The following SPRED1 variants were observed in gnomAD, a reference collection of about 807,000 sequenced individuals.
The protein encoded by SPRED1 is sprouty-related, EVH1 domain-containing protein 1.
SPRED1 carries 18 observed loss-of-function variants against 52.3 expected under a neutral mutation model. The ratio of observed to expected loss-of-function variants is 0.34; its 90% confidence interval spans 0.24 to 0.51. The LOEUF is 0.51. Ranked by LOEUF, SPRED1 falls within the 20% of genes least tolerant of loss-of-function variation. The pLI, the probability that SPRED1 is intolerant of heterozygous loss-of-function variation, is 0.97. For synonymous variants in SPRED1, 155 were observed against 179.7 expected (o/e 0.86, Z 1.10); for missense variants, 485 against 551.0 (o/e 0.88, Z 1.20).
chr15:38,283,714 C>CG (rs1894744645), intron 1 of SPRED1, among the ~76,000 whole-genome samples: 1 of 152,164 alleles, frequency 6.6e-6, no homozygotes, highest in Non-Finnish European at 1.5e-5. Flanking sequence ...TAAATCCTTA[C>CG]TCAGTGATGT....
rs369153950 is a variant in SPRED1 at position 38,342,028 on chromosome 15, G to GT, written c.582+2148dup. 8.5e-4 allele frequency among the ~76,000 whole-genome samples: 92 copies of GT among 107,626 alleles called. No homozygotes were observed. The South Asian group carries it at 9.4e-3, about 11-fold the overall frequency. 70.6% of individuals were successfully genotyped at this position (107,626 alleles called of 152,430 possible). A position where few individuals can be genotyped will look rare whatever the true frequency, so the allele number is the denominator to read the frequency against. ...TTAAACCATATATAGTTGGGTTTGG[G>GT]TTTTTTTTTTTTTTTCCCCCAGGGT... On this transcript the variant is annotated intron_variant, in intron 5 of 6. Transcript: ENST00000299084.
At chr15:38,349,637 T>C (rs1888438902) in intron 6 of SPRED1, 114 bp downstream of exon 6, 2 of 775,436 alleles carry the variant, frequency 2.6e-6, no homozygotes, top group Non-Finnish European at 4.3e-6. Flanking sequence ...AAATTTTTCA[T>C]TGTATAAATT....
intron 1 of SPRED1, among the ~76,000 whole-genome samples, chr15:38,293,777 A>T (rs1595730295): frequency 6.6e-6 from 1 of 152,118 alleles, no homozygotes; most frequent in South Asian, 2.1e-4. Flanking sequence ...TCTATCGCTT[A>T]TGTCTACTGT....
At chr15:38,312,965 C>G (rs1007680643) in intron 2 of SPRED1, among the ~76,000 whole-genome samples, 1 of 151,710 alleles carries the variant, frequency 6.6e-6, no homozygotes, top group Non-Finnish European at 1.5e-5. Context: ...TACCTAAATT[C>G]TCCAATTTTT....
At chr15:38,299,666 C>A in intron 2 of SPRED1, 119 bp downstream of exon 2, 2 of 1,069,958 alleles carry the variant, frequency 1.9e-6, no homozygotes, top group Non-Finnish European at 2.8e-6. Context: ...GTTTCTGGAG[C>A]TGTTTCTGTG....
chr15:38,325,716 G>A (rs900420858), intron 4 of SPRED1, among the ~76,000 whole-genome samples: 6 of 150,862 alleles, frequency 4.0e-5, no homozygotes, highest in African/African-American at 7.3e-5. Flanking sequence ...GAACTGAAGC[G>A]TTCAGACAAT....
chr15:38,352,156 AAAT>A lies in SPRED1; in HGVS notation c.*495_*497del, dbSNP rs1432632533. 1 of 165,640 alleles carries A rather than the reference AAAT, an allele frequency of 6.0e-6. No individual in the cohort carries two copies. The highest frequency in any genetic ancestry group is 1.3e-5 in the Non-Finnish European group (1 of 76,138). 10.3% of individuals were successfully genotyped at this position (165,640 alleles called of 1,614,324 possible). A position where few individuals can be genotyped will look rare whatever the true frequency, so the allele number is the denominator to read the frequency against. Reference sequence around the variant, plus strand: ...GTTTTTTGAAAGCAGTTTTATGTATAAATAACAAATGTTTATATTTAACTAAAT... The same window carrying A: ...GTTTTTTGAAAGCAGTTTTATGTATAAACAAATGTTTATATTTAACTAAAT... On this transcript the variant is annotated 3_prime_UTR_variant, in exon 7 of 7. Transcript: ENST00000299084.
At chr15:38,332,943 C>A (rs778903846) in intron 4 of SPRED1, among the ~76,000 whole-genome samples, 1 of 152,192 alleles carries the variant, frequency 6.6e-6, no homozygotes, top group African/African-American at 2.4e-5. Context: ...TTGGCTATAT[C>A]CTCACATGGT....
At chr15:38,338,609 TC>T (rs1895969904) in intron 4 of SPRED1, among the ~76,000 whole-genome samples, 1 of 152,150 alleles carries the variant, frequency 6.6e-6, no homozygotes, top group South Asian at 2.1e-4. Context: ...TTTTAATAGT[TC>T]AATTGCCTAC....
rs550667026 is a variant in SPRED1 at position 38,302,119 on chromosome 15, C to T, written c.207+2572C>T. ...TTCTAGAAGTGAGATTCTTGCCCCT[C>T]ATATCCCATGAATTCATGCCCTTGA... On this transcript the variant is annotated intron_variant, in intron 2 of 6. Coordinates refer to ENST00000299084, the MANE Select transcript of SPRED1 (RefSeq NM_152594.3). Among the ~76,000 whole-genome samples the T allele has an allele frequency of 7.0e-4, 107 of 152,238 alleles. 1 individual carries two copies. The highest frequency in any genetic ancestry group is 5.9e-4 in the Admixed American group (9 of 15,298).
intron 5 of SPRED1, among the ~76,000 whole-genome samples, chr15:38,346,497 C>G (rs971154947): frequency 2.6e-5 from 4 of 152,138 alleles, no homozygotes; most frequent in African/African-American, 9.7e-5. Context: ...AATGTATTCA[C>G]TGAATACTTG....
At chr15:38,276,486 CAT>C (rs1043649419) in intron 1 of SPRED1, among the ~76,000 whole-genome samples, 4 of 152,118 alleles carry the variant, frequency 2.6e-5, no homozygotes, top group African/African-American at 9.7e-5. Flanking sequence ...TTAAATGATA[CAT>C]ATTTGCTAAC....
At chr15:38,325,269 A>C (rs1895691962) in intron 4 of SPRED1, among the ~76,000 whole-genome samples, 1 of 152,216 alleles carries the variant, frequency 6.6e-6, no homozygotes, top group Non-Finnish European at 1.5e-5. Context: ...AATCATGTAT[A>C]AAATTACCTT....
chr15:38,341,448 A>T (rs1896028332), intron 5 of SPRED1, among the ~76,000 whole-genome samples: 1 of 151,202 alleles, frequency 6.6e-6, no homozygotes, highest in African/African-American at 2.4e-5. Flanking sequence ...GTATGTATTT[A>T]AGGCTATAAA....
At chr15:38,325,224 A>G (rs1895691256) in intron 4 of SPRED1, among the ~76,000 whole-genome samples, 1 of 152,214 alleles carries the variant, frequency 6.6e-6, no homozygotes, top group Non-Finnish European at 1.5e-5. Flanking sequence ...CTAAAAATGC[A>G]GTCAGAATTT....
chr15:38,264,646 C>T (rs2140951834), intron 1 of SPRED1, among the ~76,000 whole-genome samples: 1 of 152,172 alleles, frequency 6.6e-6, no homozygotes, highest in Middle Eastern at 3.4e-3. Flanking sequence ...AAATCCTAAG[C>T]CAGTGCCAGT....
At chr15:38,329,069 A>T (rs1895762748) in intron 4 of SPRED1, among the ~76,000 whole-genome samples, 1 of 151,986 alleles carries the variant, frequency 6.6e-6, no homozygotes, top group African/African-American at 2.4e-5. Flanking sequence ...TTGTTTTAAG[A>T]TCATTTTAAG....
At chr15:38,295,971 A>G (rs1376984242) in intron 1 of SPRED1, among the ~76,000 whole-genome samples, 1 of 152,126 alleles carries the variant, frequency 6.6e-6, no homozygotes, top group African/African-American at 2.4e-5. Context: ...GTGACCAGGA[A>G]ATGGGAAGAA....
At chr15:38,326,555 C>T (rs1475139445) in intron 4 of SPRED1, among the ~76,000 whole-genome samples, 3 of 152,148 alleles carry the variant, frequency 2.0e-5, no homozygotes, top group Non-Finnish European at 4.4e-5. Flanking sequence ...CTCAGAGAAA[C>T]TTTCGATTGA....
Sources: allele counts gnomAD v4.1 joint callset (sites outside exome capture counted in the v4.1 genomes callset), GRCh38; gene constraint gnomAD v4.1.1; transcripts MANE v1.5; gene names NCBI Gene and HGNC (gene_info 2026-07-23, HGNC 2026-07-21).